NEBL: variants seen among roughly 807,000 people sequenced by gnomAD.
NEBL encodes the protein nebulette.
Under a neutral mutation model 140.2 loss-of-function variants are expected in NEBL, and 122 were observed. That is an observed-to-expected ratio of 0.87 (90% CI 0.75 to 1.01). The LOEUF (loss-of-function observed/expected upper bound fraction) is 1.01. Among genes scored for constraint, NEBL ranks in the 50% least tolerant of loss-of-function variants. The pLI, the probability that NEBL is intolerant of heterozygous loss-of-function variation, is 0.00. For synonymous variants in NEBL, 436 were observed against 398.9 expected, an observed-to-expected ratio of 1.09 and a Z score of -1.11; for missense variants, 1,365 against 1,231.3, an observed-to-expected ratio of 1.11 and a Z score of -1.62.
rs1840410449 is a variant in NEBL at position 20,831,485 on chromosome 10, C to T, written c.1548G>A (p.Glu516=). The change falls in exon 15 of 28, where the codon GAG becomes GAA. Residue 516 remains glutamate (E), a synonymous_variant. Coordinates refer to ENST00000377122, the MANE Select transcript of NEBL (RefSeq NM_006393.3). ...LDVQRAKKAS[E]MASQKQYKKD... ...GCTGCTGTCTTACCTGGCTGGCCAT[C>T]TCGGATGCTTTCTTAGCTCTCTGGA... The T allele has an allele frequency of 6.2e-7, 1 of 1,609,792 alleles. No homozygotes were observed. Among genetic ancestry groups the T allele is most frequent in the Admixed American group, 1.7e-5 (1 of 59,818 alleles).
chr10:20,992,397 C>T (rs898408155), intron 3 of NEBL, among the ~76,000 whole-genome samples: 1 of 152,118 alleles, frequency 6.6e-6, no homozygotes, highest in Non-Finnish European at 1.5e-5. Flanking sequence ...ATTAGATGGA[C>T]CCATAAGAGT....
intron 2 of NEBL, among the ~76,000 whole-genome samples, chr10:20,890,403 C>A (rs549294954): frequency 2.0e-5 from 3 of 152,082 alleles, no homozygotes; most frequent in African/African-American, 4.8e-5. Flanking sequence ...GAAGTAGAGG[C>A]GAAATTAAAT....
At position 21,217,473 on chromosome 10, in the gene NEBL, GGCCA is replaced by G. The variant is rs372521782; in HGVS notation, n.348+30444_348+30447del. ...ACAGCTCTCCCAAATATTGCCAGGT[GGCCA>G]GCAAGTTCTAAATACGACTGGCTTC... On this transcript the variant is annotated intron_variant and non_coding_transcript_variant, in intron 3 of 8. Coordinates refer to the NEBL transcript ENST00000675702. Among the ~76,000 whole-genome samples the G allele has an allele frequency of 4.5e-3, 657 of 146,558 alleles. 3 individuals are homozygous for G. The highest frequency in any genetic ancestry group is 0.017 in the African/African-American group (621 of 36,350).
intron 1 of NEBL, among the ~76,000 whole-genome samples, chr10:21,262,799 G>A (rs1842756249): frequency 2.0e-5 from 3 of 152,140 alleles, no homozygotes; most frequent in Non-Finnish European, 4.4e-5. Context: ...ATGATAATTG[G>A]CTGGTGGGTG....
chr10:21,292,073 T>C (rs1400721494), intron 1 of NEBL, among the ~76,000 whole-genome samples: 4 of 152,194 alleles, frequency 2.6e-5, no homozygotes, highest in Non-Finnish European at 5.9e-5. Context: ...TGTGTCTTAG[T>C]AAGGACCAAA....
chr10:20,803,116 G>T (rs1171123792), intron 26 of NEBL, among the ~76,000 whole-genome samples: 3 of 152,080 alleles, frequency 2.0e-5, no homozygotes, highest in African/African-American at 7.2e-5. Flanking sequence ...AAATATTAAA[G>T]GACGTCTTTC....
At chr10:21,043,740 T>C (rs1834373736) in intron 2 of NEBL, among the ~76,000 whole-genome samples, 1 of 152,236 alleles carries the variant, frequency 6.6e-6, no homozygotes, top group Non-Finnish European at 1.5e-5. Flanking sequence ...TCTCAAATAT[T>C]CATTTTTTCA....
Position 20,828,765 on chromosome 10 carries a change from C to CAGGG in NEBL, c.1672-132_1672-131insCCCT, listed in dbSNP as rs1564361548. The stretch of plus-strand genomic sequence containing the variant: ...AACTGTTTTTACTGACTTACACTCC[C>CAGGG]AGAGAGAGAGAGAGAGAGGTGGAGA... On this transcript the variant is annotated intron_variant, in intron 16 of 27. Coordinates refer to ENST00000377122, the MANE Select transcript of NEBL (RefSeq NM_006393.3). 16 of 598,798 alleles carry CAGGG rather than the reference C, an allele frequency of 2.7e-5. No individual in the cohort carries two copies. The East Asian group carries it at 2.7e-4, about 10-fold the overall frequency. 37.1% of individuals were successfully genotyped at this position (598,798 alleles called of 1,614,324 possible).
intron 3 of NEBL, among the ~76,000 whole-genome samples, chr10:21,185,795 A>G (rs910051813): frequency 8.6e-5 from 13 of 151,628 alleles, no homozygotes; most frequent in African/African-American, 2.7e-4. Flanking sequence ...ACTGCGCCCT[A>G]CCTCTTTCTG....
chr10:21,119,122 GT>G (rs1162741775), intron 2 of NEBL, among the ~76,000 whole-genome samples: 2 of 152,130 alleles, frequency 1.3e-5, no homozygotes, highest in Non-Finnish European at 1.5e-5. Context: ...TCACTTTACA[GT>G]TTATTTTTGT....
intron 14 of NEBL, among the ~76,000 whole-genome samples, chr10:20,832,241 G>A (rs918457194): frequency 6.6e-6 from 1 of 152,210 alleles, no homozygotes; most frequent in Non-Finnish European, 1.5e-5. Flanking sequence ...CCACACTGCA[G>A]AATTGGTTCT....
chr10:21,281,835 G>A (rs946477738), intron 1 of NEBL, among the ~76,000 whole-genome samples: 8 of 151,918 alleles, frequency 5.3e-5, no homozygotes, highest in South Asian at 2.1e-4. Context: ...TCATCCCTCC[G>A]TCCCTTCAAG....
chr10:20,802,909 T>C (rs1241243278), intron 26 of NEBL, among the ~76,000 whole-genome samples: 1 of 152,204 alleles, frequency 6.6e-6, no homozygotes, highest in Admixed American at 6.5e-5. Context: ...ATGTAAAATA[T>C]CTGCTTCTTG....
At chr10:21,275,417 G>A (rs1212251738) in intron 1 of NEBL, among the ~76,000 whole-genome samples, 1 of 152,162 alleles carries the variant, frequency 6.6e-6, no homozygotes, top group African/African-American at 2.4e-5. Flanking sequence ...TAAGTGGGAT[G>A]ACTCCAAAAT....
rs1185448437 is a variant in NEBL at position 20,850,640 on chromosome 10, G to T, written c.1009-138C>A. ...TTCTGGCCATTTAGGTTGAGCACTG[G>T]GTTCCCTTTGGTTAATGACATACAA... is the stretch of plus-strand genomic sequence containing the variant. On this transcript the variant is annotated intron_variant, in intron 10 of 27. Transcript: ENST00000377122. 3 of 625,194 alleles carry T rather than the reference G, an allele frequency of 4.8e-6. No homozygotes were observed. In the East Asian group the frequency reaches 8.3e-5, roughly 17 times the overall value. The allele number at this position is 625,194 out of a possible 1,614,324, so 38.7% of individuals were successfully genotyped here.
At chr10:20,810,125 G>A (rs1455242256) in intron 24 of NEBL, among the ~76,000 whole-genome samples, 3 of 152,098 alleles carry the variant, frequency 2.0e-5, no homozygotes, top group African/African-American at 4.8e-5. Flanking sequence ...TCAGATTGAA[G>A]TTGCCTGCTC....
chr10:21,232,378 T>G (rs1467431497), intron 3 of NEBL, among the ~76,000 whole-genome samples: 1 of 152,032 alleles, frequency 6.6e-6, no homozygotes, highest in Non-Finnish European at 1.5e-5. Context: ...GGTCGGGGGG[T>G]GGTTTCAGGA....
chr10:21,248,433 T>C (rs1842545929), intron 2 of NEBL, among the ~76,000 whole-genome samples: 1 of 152,180 alleles, frequency 6.6e-6, no homozygotes, highest in South Asian at 2.1e-4. Context: ...TGTCCCTTTG[T>C]GTCTGGCTTA....
intron 2 of NEBL, among the ~76,000 whole-genome samples, chr10:21,022,888 G>C (rs1256451684): frequency 6.6e-6 from 1 of 152,180 alleles, no homozygotes; most frequent in Non-Finnish European, 1.5e-5. Context: ...CAGAGTTATT[G>C]ATTCAAACGA....
Sources: gnomAD v4.1 joint callset for allele counts (sites outside exome capture counted in the v4.1 genomes callset) on GRCh38, gnomAD v4.1.1 for gene constraint, MANE v1.5 for transcripts, NCBI Gene and HGNC (gene_info 2026-07-23, HGNC 2026-07-21) for gene names.